The following LRRC8C variants were observed in gnomAD, a reference collection of about 807,000 sequenced individuals.
The protein encoded by LRRC8C is volume-regulated anion channel subunit LRRC8C.
In LRRC8C, 20 loss-of-function variants were observed where a neutral mutation model predicts 55.3. That is an observed-to-expected ratio of 0.36 (90% CI 0.25 to 0.53). The LOEUF (loss-of-function observed/expected upper bound fraction) is 0.53, where lower values mean the gene tolerates loss of function less well. Ranked by LOEUF, LRRC8C falls within the 20% of genes least tolerant of loss-of-function variation. The pLI is 0.92. For missense variants in LRRC8C, 659 were observed against 951.4 expected, an observed-to-expected ratio of 0.69 and a Z score of 4.04; for synonymous variants, 376 against 360.7, an observed-to-expected ratio of 1.04 and a Z score of -0.48.
At chr1:89,691,056 A>G (rs1309780763) in intron 2 of LRRC8C, among the ~76,000 whole-genome samples, 2 of 152,212 alleles carry the variant, frequency 1.3e-5, no homozygotes, top group African/African-American at 4.8e-5. Flanking sequence ...TGGACTACTC[A>G]ATTCAACAAA....
chr1:89,654,428 A>T (rs147413141), intron 1 of LRRC8C, among the ~76,000 whole-genome samples: 1 of 152,310 alleles, frequency 6.6e-6, no homozygotes, highest in Non-Finnish European at 1.5e-5. Flanking sequence ...AAAAAAGAGA[A>T]ATGTCTACTA....
chr1:89,630,968 T>G (rs770987004), upstream of LRRC8C, among the ~76,000 whole-genome samples: 3 of 152,200 alleles, frequency 2.0e-5, no homozygotes, highest in Non-Finnish European at 4.4e-5. Context: ...AACTACCCAG[T>G]TGATCCAATT....
At chr1:89,655,207 T>A (rs773697822) in intron 1 of LRRC8C, among the ~76,000 whole-genome samples, 13 of 152,190 alleles carry the variant, frequency 8.5e-5, no homozygotes, top group Non-Finnish European at 1.5e-4. Context: ...TCATCAACAT[T>A]ATCTAACCTT....
chr1:89,639,629 G>A (rs1656400452), intron 1 of LRRC8C, among the ~76,000 whole-genome samples: 1 of 152,012 alleles, frequency 6.6e-6, no homozygotes, highest in Non-Finnish European at 1.5e-5. Flanking sequence ...TATTTTCTCT[G>A]TTTGATTTTT....
chr1:89,631,690 A>G (rs1470917474), upstream of LRRC8C: 4 of 152,182 alleles, frequency 2.6e-5, no homozygotes, highest in Non-Finnish European at 5.9e-5. Context: ...CTAGGAGGTA[A>G]GCCCGGACCT....
chr1:89,650,349 A>G (rs1181077820), intron 1 of LRRC8C, among the ~76,000 whole-genome samples: 1 of 152,182 alleles, frequency 6.6e-6, no homozygotes, highest in Non-Finnish European at 1.5e-5. Context: ...TCAAGGAATT[A>G]TTTTTGAAAG....
intron 1 of LRRC8C, among the ~76,000 whole-genome samples, chr1:89,673,433 A>C (rs576868678): frequency 9.2e-5 from 14 of 152,204 alleles, no homozygotes; most frequent in Non-Finnish European, 1.9e-4. Context: ...GGAAGACCTC[A>C]TCTGGCTCCA....
intron 1 of LRRC8C, chr1:89,661,291 G>GT: frequency 3.0e-6 from 1 of 333,232 alleles, no homozygotes; most frequent in Non-Finnish European, 6.0e-6. Flanking sequence ...TTGGGAGCCA[G>GT]TTTGTTCCAG....
At chr1:89,666,073 A>G (rs1228946087) in intron 1 of LRRC8C, among the ~76,000 whole-genome samples, 2 of 152,168 alleles carry the variant, frequency 1.3e-5, no homozygotes, top group East Asian at 1.9e-4. Flanking sequence ...AGTACACTCT[A>G]TGACATCCAC....
At chr1:89,699,489 G>A (rs1399413606) in intron 2 of LRRC8C, among the ~76,000 whole-genome samples, 1 of 152,186 alleles carries the variant, frequency 6.6e-6, no homozygotes, top group Non-Finnish European at 1.5e-5. Context: ...GAGCATTTGG[G>A]AAATCTCTGT....
At chr1:89,640,219 C>T (rs1243371559) in intron 1 of LRRC8C, among the ~76,000 whole-genome samples, 1 of 152,170 alleles carries the variant, frequency 6.6e-6, no homozygotes, top group Non-Finnish European at 1.5e-5. Flanking sequence ...CGCCTGCCGC[C>T]GCACCCAGCC....
rs766226957 is a variant in LRRC8C, at chr1:89,713,936, A to C, written c.1366A>C (p.Asn456His). 2 of 1,613,602 alleles carry C rather than the reference A, an allele frequency of 1.2e-6. No individual in the cohort carries two copies. The highest frequency in any genetic ancestry group is 1.7e-6 in the Non-Finnish European group (2 of 1,179,766). Reference protein sequence around the residue: ...LQSLKLEIIKNVMIPATIAQL... With the variant: ...LQSLKLEIIKHVMIPATIAQL... ...ATCTCTAAAACTTGAAATCATTAAGAACGTAATGATACCAGCCACCATTGC... is the reference window on the plus strand; with the variant it reads ...ATCTCTAAAACTTGAAATCATTAAGCACGTAATGATACCAGCCACCATTGC... The change falls in exon 3 of 3, where the codon AAC becomes CAC. Residue 456 changes from asparagine to histidine, a missense_variant. This residue lies in a region of LRRC8C where 344 missense variants were observed against 464.6 expected (regional missense o/e 0.74). Coordinates refer to ENST00000370454, the MANE Select transcript of LRRC8C (RefSeq NM_032270.5). This position sits in a 1 kb window ranked among gnomAD's most constrained non-coding sequence, Gnocchi z 5.2.
chr1:89,684,546 A>C (rs1333173231), intron 1 of LRRC8C, among the ~76,000 whole-genome samples: 4 of 152,194 alleles, frequency 2.6e-5, no homozygotes, highest in Non-Finnish European at 5.9e-5. Flanking sequence ...CTGAAGTGGA[A>C]CTTGGAAGTC....
upstream of LRRC8C, among the ~76,000 whole-genome samples, chr1:89,628,924 G>C (rs1214183514): frequency 6.6e-6 from 1 of 152,182 alleles, no homozygotes; most frequent in Non-Finnish European, 1.5e-5. Flanking sequence ...GAGAGTGAGA[G>C]ACAGGAGGGC....
the LRRC8C span, among the ~76,000 whole-genome samples, chr1:89,623,810 G>C: frequency 1.3e-5 from 2 of 152,160 alleles, no homozygotes; most frequent in Non-Finnish European, 2.9e-5. Context: ...AGAGAGGGAG[G>C]GTAGATAAGT....
chr1:89,714,956 G>A lies in LRRC8C; in HGVS notation c.2386G>A (p.Val796Ile), dbSNP rs376966765. ...TCTGTTTGAAACTCTGCCTTCTGACGTCCGGGAGCAAATGAAAACAGAATA... is the reference window on the plus strand; with the variant it reads ...TCTGTTTGAAACTCTGCCTTCTGACATCCGGGAGCAAATGAAAACAGAATA... ...DALFETLPSDVREQMKTE is the reference protein window; with the variant it reads ...DALFETLPSDIREQMKTE The change falls in exon 3 of 3, where the codon GTC (valine) becomes ATC (isoleucine). Residue 796 changes from valine to isoleucine, a missense_variant. Val to Ile is a conservative substitution (Grantham distance 29, BLOSUM62 3). Coordinates refer to ENST00000370454, the MANE Select transcript of LRRC8C (RefSeq NM_032270.5). This position sits in a 1 kb window ranked among gnomAD's most constrained non-coding sequence, Gnocchi z 4.6. 4.4e-6 allele frequency: 7 copies of A among 1,586,726 alleles called. No individual in the cohort carries two copies. The highest frequency in any genetic ancestry group is 1.4e-5 in the African/African-American group (1 of 73,400).
At position 89,713,114 on chromosome 1, in the gene LRRC8C, G is replaced by C. The variant is rs1658703773; in HGVS notation, c.544G>C (p.Asp182His). The change falls in exon 3 of 3, where the codon GAC (aspartate) becomes CAC (histidine). Residue 182 changes from aspartate to histidine, a missense_variant. Asp to His is a moderately conservative substitution (Grantham distance 81, BLOSUM62 -1). This residue lies in a region of LRRC8C where 200 missense variants were observed against 360.5 expected (regional missense o/e 0.55). Transcript: ENST00000370454. The surrounding 1 kb of genome is among the most constrained non-coding windows in gnomAD (Gnocchi z 5.2). The part of the protein sequence containing the change: ...TRALSEVSGE[D>H]SEEKDNRKNN... ...GGCTTTATCTGAAGTGTCTGGGGAG[G>C]ACTCAGAAGAAAAGGACAACAGGAA... 6.2e-7 allele frequency: 1 copy of C among 1,613,632 alleles called. No individual in the cohort carries two copies. The highest frequency in any genetic ancestry group is 1.7e-5 in the Admixed American group (1 of 59,982).
chr1:89,703,519 A>G (rs1400034316), intron 2 of LRRC8C, among the ~76,000 whole-genome samples: 5 of 151,142 alleles, frequency 3.3e-5, no homozygotes, highest in Non-Finnish European at 1.5e-5. Context: ...TAATAAATAT[A>G]TAAACAAACA....
the LRRC8C span, among the ~76,000 whole-genome samples, chr1:89,627,371 A>G: frequency 6.6e-6 from 1 of 151,206 alleles, no homozygotes; most frequent in Non-Finnish European, 1.5e-5. Flanking sequence ...TAAGAATGAG[A>G]CTCTCTGTCT....
Sources: allele counts gnomAD v4.1 joint callset (sites outside exome capture counted in the v4.1 genomes callset), GRCh38; gene constraint gnomAD v4.1.1; regional missense constraint gnomAD v4.1.1; non-coding constraint Gnocchi (gnomAD v3.1); transcripts MANE v1.5; gene names NCBI Gene and HGNC (gene_info 2026-07-23, HGNC 2026-07-21).